Variants in TPH2 observed in about 807,000 individuals in gnomAD.
TPH2 encodes the protein tryptophan hydroxylase 2, also known as tryptophan 5-hydroxylase 2.
Under a neutral mutation model 59.1 loss-of-function variants are expected in TPH2, and 27 were observed. The observed-to-expected ratio is 0.46, with a 90% CI of 0.34 to 0.63. TPH2 has a LOEUF of 0.63. Ranked by LOEUF, TPH2 falls within the 30% of genes least tolerant of loss-of-function variation. The probability of loss-of-function intolerance (pLI) is 0.01; values close to 1 mark genes in which losing one functional copy is unlikely to be tolerated. For missense variants in TPH2, 523 were observed against 588.3 expected, an observed-to-expected ratio of 0.89 and a Z score of 1.15; for synonymous variants, 220 against 210.5, an observed-to-expected ratio of 1.05 and a Z score of -0.39.
intron 5 of TPH2, among the ~76,000 whole-genome samples, chr12:71,952,747 T>C (rs1871385216): frequency 6.6e-6 from 1 of 152,178 alleles, no homozygotes; most frequent in African/African-American, 2.4e-5. Context: ...TGCAACCTCA[T>C]TGTGCCAAGG....
intron 2 of TPH2, 72 bp from the exon 3 acceptor site, chr12:71,944,222 T>G (rs1471718525): frequency 1.3e-6 from 2 of 1,547,442 alleles, no homozygotes; most frequent in Non-Finnish European, 1.8e-6. Flanking sequence ...GCTTAAGATG[T>G]GAACAAGAAA....
At chr12:71,988,231 G>A (rs1368316421) in intron 7 of TPH2, among the ~76,000 whole-genome samples, 1 of 152,170 alleles carries the variant, frequency 6.6e-6, no homozygotes, top group Non-Finnish European at 1.5e-5. Flanking sequence ...CACTGAACTT[G>A]GAGAGGTGGA....
chr12:71,960,465 T>C (rs1465517267), intron 5 of TPH2, among the ~76,000 whole-genome samples: 2 of 152,238 alleles, frequency 1.3e-5, no homozygotes, highest in Non-Finnish European at 1.5e-5. Flanking sequence ...TCAGGCTTTA[T>C]GGGAGAATCA....
At chr12:71,944,185 T>G in intron 2 of TPH2, 109 bp from the exon 3 acceptor site, 1 of 1,083,778 alleles carries the variant, frequency 9.2e-7, no homozygotes, top group Non-Finnish European at 1.4e-6. Flanking sequence ...GATTGTCTCT[T>G]CCTCTTGTGT....
At chr12:71,987,709 A>AG (rs1872476919) in intron 7 of TPH2, among the ~76,000 whole-genome samples, 1 of 152,044 alleles carries the variant, frequency 6.6e-6, no homozygotes, top group Non-Finnish European at 1.5e-5. Context: ...AAAATTAGCC[A>AG]GGGGTGGTGG....
intron 8 of TPH2, among the ~76,000 whole-genome samples, chr12:72,007,543 T>C (rs1247319206): frequency 6.6e-6 from 1 of 152,138 alleles, no homozygotes; most frequent in Non-Finnish European, 1.5e-5. Flanking sequence ...CATACAAGTA[T>C]GCAAAGAAGC....
chr12:72,027,202 G>C (rs1306375289), intron 9 of TPH2, among the ~76,000 whole-genome samples: 1 of 152,180 alleles, frequency 6.6e-6, no homozygotes, highest in Non-Finnish European at 1.5e-5. Context: ...ACCCAGGGCA[G>C]ACACTATCAT....
intron 5 of TPH2, among the ~76,000 whole-genome samples, chr12:71,968,145 C>T (rs982459322): frequency 3.0e-4 from 45 of 152,150 alleles, no homozygotes; most frequent in Non-Finnish European, 5.9e-5. Context: ...AAATCCCTTT[C>T]GATAGAGTGT....
At chr12:71,989,807 GA>G (rs1164151988) in intron 7 of TPH2, among the ~76,000 whole-genome samples, 5 of 152,154 alleles carry the variant, frequency 3.3e-5, no homozygotes, top group Non-Finnish European at 7.3e-5. Flanking sequence ...TTCTTGGACT[GA>G]GTTAAGAATT....
chr12:71,959,336 C>T (rs1871610766), intron 5 of TPH2, among the ~76,000 whole-genome samples: 1 of 152,136 alleles, frequency 6.6e-6, no homozygotes, highest in East Asian at 1.9e-4. Flanking sequence ...TGATCAGAGA[C>T]TAATAAGGGT....
At position 71,949,588 on chromosome 12, in the gene TPH2, G is replaced by C; in HGVS notation, c.541G>C (p.Gly181Arg). The change falls in exon 5 of 11, where the codon GGA becomes CGA. Residue 181 changes from glycine to arginine, a missense_variant and splice_region_variant. Physicochemically the swap from Gly to Arg is moderately radical, Grantham distance 125. Coordinates refer to ENST00000333850, the MANE Select transcript of TPH2 (RefSeq NM_173353.4). ...TAACTTAATCTTTTTTGTGTTTAAG[G>C]GATTTAAGGACAATGTCTATCGACA... ...YGSELDADHPGFKDNVYRQRR... is the reference protein window; with the variant it reads ...YGSELDADHPRFKDNVYRQRR... The C allele has an allele frequency of 2.5e-6, 4 of 1,612,434 alleles. No individual in the cohort carries two copies. Among genetic ancestry groups the C allele is most frequent in the Non-Finnish European group, 3.4e-6 (4 of 1,178,784 alleles).
At chr12:72,000,072 A>G (rs1057078843) in intron 8 of TPH2, among the ~76,000 whole-genome samples, 1 of 152,214 alleles carries the variant, frequency 6.6e-6, no homozygotes, top group Non-Finnish European at 1.5e-5. Flanking sequence ...TGCATTGAAC[A>G]TGTGTCAAAG....
chr12:72,014,083 A>G (rs1227169273), intron 8 of TPH2, among the ~76,000 whole-genome samples: 2 of 152,172 alleles, frequency 1.3e-5, no homozygotes, highest in African/African-American at 4.8e-5. Flanking sequence ...TGGAATTTAT[A>G]TGATGACTGC....
chr12:71,962,629 T>C, intron 5 of TPH2: 1 of 985,480 alleles, frequency 1.0e-6, no homozygotes, highest in Non-Finnish European at 1.2e-6. Context: ...CCAGACTCTC[T>C]GAGGCATAAC....
intron 8 of TPH2, among the ~76,000 whole-genome samples, chr12:72,001,789 A>C (rs1872830033): frequency 6.6e-6 from 1 of 152,028 alleles, no homozygotes; most frequent in African/African-American, 2.4e-5. Context: ...TGAAGGTGCC[A>C]TTGGTTGTAA....
chr12:72,002,064 A>G (rs1411086125), intron 8 of TPH2, among the ~76,000 whole-genome samples: 3 of 152,212 alleles, frequency 2.0e-5, no homozygotes, highest in Admixed American at 6.5e-5. Flanking sequence ...AAGTCTCACC[A>G]TAAAAATAAT....
chr12:71,978,452 C>T (rs187039688), intron 6 of TPH2, among the ~76,000 whole-genome samples: 27 of 152,254 alleles, frequency 1.8e-4, no homozygotes, highest in Admixed American at 1.4e-3. Context: ...TATAACATCA[C>T]AGAAAACAAT....
At chr12:72,003,605 A>G (rs920640757) in intron 8 of TPH2, among the ~76,000 whole-genome samples, 2 of 152,062 alleles carry the variant, frequency 1.3e-5, no homozygotes, top group Non-Finnish European at 2.9e-5. Context: ...CTGCTGACTA[A>G]TTCTCTCCTG....
At chr12:71,993,947 C>T (rs1211678597) in intron 7 of TPH2, among the ~76,000 whole-genome samples, 1 of 152,214 alleles carries the variant, frequency 6.6e-6, no homozygotes, top group Non-Finnish European at 1.5e-5. Flanking sequence ...AACTACTCAA[C>T]TCTGCAGTGT....
Sources: gnomAD v4.1 joint callset for allele counts (sites outside exome capture counted in the v4.1 genomes callset) on GRCh38, gnomAD v4.1.1 for gene constraint, MANE v1.5 for transcripts, NCBI Gene and HGNC (gene_info 2026-07-23, HGNC 2026-07-21) for gene names.